Variants in ZNF385D observed in about 807,000 individuals in gnomAD.
ZNF385D encodes the protein zinc finger protein 385D, also known as zinc finger protein 659.
Under a neutral mutation model 35.8 loss-of-function variants are expected in ZNF385D, and 15 were observed. The ratio of observed to expected loss-of-function variants is 0.42; its 90% CI spans 0.28 to 0.64. The LOEUF (loss-of-function observed/expected upper bound fraction) is 0.64, where lower values mean the gene tolerates loss of function less well. Among genes scored for constraint, ZNF385D ranks in the 30% least tolerant of loss-of-function variants. The pLI, the probability that ZNF385D is intolerant of heterozygous loss-of-function variation, is 0.23. For synonymous variants in ZNF385D, 212 were observed against 186.8 expected, an observed-to-expected ratio of 1.13 and a Z score of -1.10; for missense variants, 474 against 494.6, an observed-to-expected ratio of 0.96 and a Z score of 0.39.
At chr3:22,318,020 T>C (rs1283388985) in intron 2 of ZNF385D, among the ~76,000 whole-genome samples, 1 of 151,410 alleles carries the variant, frequency 6.6e-6, no homozygotes, top group Admixed American at 6.6e-5. Context: ...ACCACGCTAC[T>C]GCATTCCAGC....
At chr3:21,809,516 T>C (rs963017527) in intron 3 of ZNF385D, among the ~76,000 whole-genome samples, 16 of 151,780 alleles carry the variant, frequency 1.1e-4, no homozygotes, top group African/African-American at 3.4e-4. Flanking sequence ...AAATAAGGTA[T>C]TGAAACAAGT....
chr3:21,666,407 AT>A (rs2066408105), intron 1 of ZNF385D, among the ~76,000 whole-genome samples: 1 of 152,118 alleles, frequency 6.6e-6, no homozygotes, highest in South Asian at 2.1e-4. Context: ...GAAAAACAGT[AT>A]TTTCCCCCAC....
At chr3:21,488,774 T>A (rs2125400212) in intron 4 of ZNF385D, among the ~76,000 whole-genome samples, 2 of 152,248 alleles carry the variant, frequency 1.3e-5, no homozygotes, top group South Asian at 4.1e-4. Flanking sequence ...TAGTCTTGGC[T>A]ATTTTTTTCT....
At chr3:22,018,507 TA>T (rs1444938059) in intron 3 of ZNF385D, among the ~76,000 whole-genome samples, 5 of 152,070 alleles carry the variant, frequency 3.3e-5, no homozygotes, top group African/African-American at 4.8e-5. Flanking sequence ...ACCAATTTTT[TA>T]TACAAATAAC....
chr3:22,172,251 T>C (rs1230476300), intron 2 of ZNF385D, among the ~76,000 whole-genome samples: 1 of 152,142 alleles, frequency 6.6e-6, no homozygotes, highest in Non-Finnish European at 1.5e-5. Flanking sequence ...ATCCTGAGAG[T>C]AATTATCAAA....
At chr3:22,181,260 A>G (rs143100276) in intron 2 of ZNF385D, among the ~76,000 whole-genome samples, 53 of 152,204 alleles carry the variant, frequency 3.5e-4, no homozygotes, top group African/African-American at 1.2e-3. Flanking sequence ...TACCCAGATA[A>G]ATTTCCCTGA....
intron 2 of ZNF385D, among the ~76,000 whole-genome samples, chr3:22,191,491 A>G (rs1391203542): frequency 1.8e-5 from 2 of 109,778 alleles, no homozygotes; most frequent in Admixed American, 8.8e-5. Flanking sequence ...CCATCTAAGA[A>G]AAAAAAAAAA....
intron 3 of ZNF385D, among the ~76,000 whole-genome samples, chr3:22,061,358 C>T (rs546449425): frequency 1.3e-5 from 2 of 152,216 alleles, no homozygotes; most frequent in Admixed American, 6.5e-5. Flanking sequence ...CCATTTCTTT[C>T]TACTTTTCCT....
At chr3:21,891,031 T>C (rs1376718917) in intron 3 of ZNF385D, among the ~76,000 whole-genome samples, 4 of 152,210 alleles carry the variant, frequency 2.6e-5, no homozygotes, top group African/African-American at 7.2e-5. Flanking sequence ...GTTTGGATTT[T>C]ACCTTTGACA....
intron 2 of ZNF385D, among the ~76,000 whole-genome samples, chr3:22,242,210 A>C (rs1699538079): frequency 6.6e-6 from 1 of 150,882 alleles, no homozygotes; most frequent in Non-Finnish European, 1.5e-5. Flanking sequence ...ATGTACCCTA[A>C]AACTTAAAGT....
At chr3:21,464,851 A>T (rs1375624114) in intron 4 of ZNF385D, among the ~76,000 whole-genome samples, 3 of 152,014 alleles carry the variant, frequency 2.0e-5, no homozygotes, top group Admixed American at 2.0e-4. Context: ...TATTTGTAGA[A>T]ATATAACTCA....
intron 2 of ZNF385D, among the ~76,000 whole-genome samples, chr3:22,356,440 G>C (rs1206093774): frequency 1.3e-5 from 2 of 151,844 alleles, no homozygotes; most frequent in Non-Finnish European, 2.9e-5. Flanking sequence ...AATAGTGAGG[G>C]CAAATCTAAG....
chr3:21,447,637 A>G (rs1702222277), intron 4 of ZNF385D, among the ~76,000 whole-genome samples: 1 of 152,198 alleles, frequency 6.6e-6, no homozygotes, highest in African/African-American at 2.4e-5. Flanking sequence ...CTTACTATCC[A>G]CGATATCTAA....
At chr3:21,548,781 A>C (rs1174144720) in intron 3 of ZNF385D, among the ~76,000 whole-genome samples, 1 of 152,190 alleles carries the variant, frequency 6.6e-6, no homozygotes, top group African/African-American at 2.4e-5. Context: ...AATTTCTCCT[A>C]GGGCATGTCC....
chr3:21,570,769 C>G (rs748887812), intron 2 of ZNF385D, among the ~76,000 whole-genome samples: 2 of 152,052 alleles, frequency 1.3e-5, no homozygotes, highest in African/African-American at 4.8e-5. Context: ...TACCCCTGTG[C>G]GTCTCTCAGG....
chr3:21,923,660 G>A (rs371127952), intron 3 of ZNF385D, among the ~76,000 whole-genome samples: 1 of 151,796 alleles, frequency 6.6e-6, no homozygotes, highest in East Asian at 1.9e-4. Context: ...TACACAACAT[G>A]GAATACTATG....
At chr3:22,063,424 T>C (rs1214126182) in intron 3 of ZNF385D, among the ~76,000 whole-genome samples, 3 of 152,166 alleles carry the variant, frequency 2.0e-5, no homozygotes, top group Admixed American at 6.5e-5. Flanking sequence ...AAAAGTATCA[T>C]GATACAAAAT....
At chr3:21,444,774 G>T (rs1702059123) in intron 4 of ZNF385D, among the ~76,000 whole-genome samples, 1 of 151,424 alleles carries the variant, frequency 6.6e-6, no homozygotes, top group South Asian at 2.1e-4. Flanking sequence ...AGGGCAATGT[G>T]AGAATGCTTT....
chr3:21,788,369 T>C (rs1334238552), intron 3 of ZNF385D, among the ~76,000 whole-genome samples: 1 of 152,028 alleles, frequency 6.6e-6, no homozygotes. Context: ...TCCCAGCTAC[T>C]TGGGGGGCTG....
Sources: allele counts gnomAD v4.1 joint callset (sites outside exome capture counted in the v4.1 genomes callset), GRCh38; gene constraint gnomAD v4.1.1; transcripts MANE v1.5; gene names NCBI Gene and HGNC (gene_info 2026-07-23, HGNC 2026-07-21).